Variants in ITGBL1 observed in about 807,000 individuals in gnomAD.
The protein encoded by ITGBL1 is integrin subunit beta like 1.
A neutral mutation model predicts 68.5 loss-of-function variants in ITGBL1; 51 were observed. The observed-to-expected ratio is 0.74, with a 90% CI of 0.59 to 0.94. The LOEUF (loss-of-function observed/expected upper bound fraction) is 0.94, where lower values mean the gene tolerates loss of function less well. Among genes scored for constraint, ITGBL1 ranks in the 40% least tolerant of loss-of-function variants. ITGBL1 has a pLI of 0.00. For missense variants in ITGBL1, 649 were observed against 647.4 expected (o/e 1.00, Z -0.03); for synonymous variants, 209 against 227.3 (o/e 0.92, Z 0.72).
chr13:101,594,591 A>C (rs973729986), intron 6 of ITGBL1, among the ~76,000 whole-genome samples: 2 of 152,184 alleles, frequency 1.3e-5, no homozygotes, highest in African/African-American at 4.8e-5. Context: ...GTGGGACTGC[A>C]TTGAACTAAA....
At chr13:101,480,662 C>T (rs2048605895) in intron 2 of ITGBL1, among the ~76,000 whole-genome samples, 2 of 151,736 alleles carry the variant, frequency 1.3e-5, no homozygotes, top group South Asian at 4.2e-4. Flanking sequence ...ACCATGTACC[C>T]ATAAAAAGTA....
At chr13:101,473,086 G>A (rs1383292827) in intron 2 of ITGBL1, among the ~76,000 whole-genome samples, 1 of 152,132 alleles carries the variant, frequency 6.6e-6, no homozygotes, top group Non-Finnish European at 1.5e-5. Flanking sequence ...TCTTGAGAGG[G>A]AAGTGGAACA....
At chr13:101,563,846 A>G (rs2050138259) in intron 2 of ITGBL1, among the ~76,000 whole-genome samples, 1 of 152,010 alleles carries the variant, frequency 6.6e-6, no homozygotes, top group Admixed American at 6.6e-5. Flanking sequence ...CTTACAACAA[A>G]CAAAACTGCA....
chr13:101,705,753 C>G (rs992158483), intron 8 of ITGBL1, among the ~76,000 whole-genome samples: 5 of 152,154 alleles, frequency 3.3e-5, no homozygotes, highest in African/African-American at 1.2e-4. Context: ...AGCAAATGGT[C>G]AGGAGAGAAC....
intron 7 of ITGBL1, among the ~76,000 whole-genome samples, chr13:101,615,051 T>C (rs373046934): frequency 4.7e-4 from 72 of 152,222 alleles, no homozygotes; most frequent in African/African-American, 1.6e-3. Flanking sequence ...AAATTTGAAA[T>C]TGAAAAATGT....
At chr13:101,583,415 A>T (rs2050497817) in intron 6 of ITGBL1, 59 bp downstream of exon 6, 13 of 116,640 alleles carry the variant, frequency 1.1e-4, no homozygotes, top group South Asian at 2.2e-4. Context: ...GTTAATGGGT[A>T]AAAAAAAAAA....
At chr13:101,650,334 G>A (rs2032703897) in intron 7 of ITGBL1, among the ~76,000 whole-genome samples, 2 of 152,012 alleles carry the variant, frequency 1.3e-5, no homozygotes, top group African/African-American at 4.8e-5. Context: ...ATAAGGAGAT[G>A]ATATACATTT....
chr13:101,466,892 C>G (rs2048389193), intron 2 of ITGBL1, among the ~76,000 whole-genome samples: 1 of 152,096 alleles, frequency 6.6e-6, no homozygotes, highest in South Asian at 2.1e-4. Flanking sequence ...TCCATTCAGG[C>G]TGCTGTAACA....
intron 8 of ITGBL1, among the ~76,000 whole-genome samples, chr13:101,704,924 A>G (rs774916139): frequency 6.6e-6 from 1 of 152,214 alleles, no homozygotes; most frequent in Middle Eastern, 3.4e-3. Context: ...TTATTTGTTT[A>G]TTTATTTACT....
At position 101,710,901 on chromosome 13, in the gene ITGBL1, C is replaced by G. The variant is rs530507326; in HGVS notation, c.1280-3537C>G. ...TTAAAACAAGATACATTCTTGTGAC[C>G]TTCATAACAGATGGAGTAGTTAGTA... On this transcript the variant is annotated intron_variant, in intron 9 of 10. Coordinates refer to ENST00000376180, the MANE Select transcript of ITGBL1 (RefSeq NM_004791.3). 1.6e-4 allele frequency: 24 copies of G among 152,268 alleles called. No individual in the cohort carries two copies. The South Asian group carries it at 4.4e-3, about 28-fold the overall frequency. 9.4% of individuals were successfully genotyped at this position (152,268 alleles called of 1,614,324 possible). A position where few individuals can be genotyped will look rare whatever the true frequency, so the allele number is the denominator to read the frequency against.
At chr13:101,690,952 G>A (rs190446629) in intron 7 of ITGBL1, among the ~76,000 whole-genome samples, 1 of 152,228 alleles carries the variant, frequency 6.6e-6, no homozygotes, top group Admixed American at 6.5e-5. Flanking sequence ...ATGCAACTTT[G>A]AACAATTAGC....
At chr13:101,700,393 T>C (rs2034108238) in intron 8 of ITGBL1, among the ~76,000 whole-genome samples, 1 of 152,222 alleles carries the variant, frequency 6.6e-6, no homozygotes, top group Non-Finnish European at 1.5e-5. Context: ...TAGATTTCCA[T>C]GTACTTCTCT....
chr13:101,465,317 G>A (rs1224192051), intron 2 of ITGBL1, among the ~76,000 whole-genome samples: 7 of 152,058 alleles, frequency 4.6e-5, no homozygotes, highest in Non-Finnish European at 7.4e-5. Context: ...TGAGTCTAGG[G>A]TTGGAGACAA....
At chr13:101,686,212 A>C (rs550009700) in intron 7 of ITGBL1, among the ~76,000 whole-genome samples, 1 of 152,164 alleles carries the variant, frequency 6.6e-6, no homozygotes, top group South Asian at 2.1e-4. Flanking sequence ...CACCACCACC[A>C]CTGCTTTCCC....
chr13:101,502,445 A>G (rs1455874689), intron 2 of ITGBL1, among the ~76,000 whole-genome samples: 2 of 152,172 alleles, frequency 1.3e-5, no homozygotes, highest in African/African-American at 2.4e-5. Context: ...TTCAACAAGC[A>G]TTATGGTGTG....
intron 7 of ITGBL1, among the ~76,000 whole-genome samples, chr13:101,634,635 T>C (rs1346112314): frequency 6.6e-6 from 1 of 152,180 alleles, no homozygotes; most frequent in Non-Finnish European, 1.5e-5. Flanking sequence ...ATTACGTTTT[T>C]ACAGTGGACC....
intron 2 of ITGBL1, among the ~76,000 whole-genome samples, chr13:101,533,461 A>C (rs1471289153): frequency 6.6e-6 from 1 of 152,234 alleles, no homozygotes; most frequent in Non-Finnish European, 1.5e-5. Flanking sequence ...AGCAGACTTA[A>C]AACTGTAGCA....
intron 2 of ITGBL1, among the ~76,000 whole-genome samples, chr13:101,466,675 T>A (rs1188964989): frequency 1.3e-5 from 2 of 152,228 alleles, no homozygotes; most frequent in Non-Finnish European, 2.9e-5. Context: ...TTCTGAATAC[T>A]AGCACCATCT....
At chr13:101,550,584 T>C (rs2049905040) in intron 2 of ITGBL1, among the ~76,000 whole-genome samples, 1 of 152,172 alleles carries the variant, frequency 6.6e-6, no homozygotes, top group African/African-American at 2.4e-5. Flanking sequence ...GCAGGCTAAT[T>C]TGTTAGTTTG....
Sources: gnomAD v4.1 joint callset for allele counts (sites outside exome capture counted in the v4.1 genomes callset) on GRCh38, gnomAD v4.1.1 for gene constraint, MANE v1.5 for transcripts, NCBI Gene and HGNC (gene_info 2026-07-23, HGNC 2026-07-21) for gene names.